The following PCOLCE2 variants were observed in gnomAD, a reference collection of about 807,000 sequenced individuals.
PCOLCE2 encodes the protein procollagen C-endopeptidase enhancer 2.
PCOLCE2 carries 42 observed loss-of-function variants against 47.0 expected under a neutral mutation model. That is an observed-to-expected ratio of 0.89 (90% CI 0.70 to 1.16). PCOLCE2 has a LOEUF of 1.16. Ranked by LOEUF, PCOLCE2 falls within the 50% of genes most tolerant of loss-of-function variation. The pLI is 0.00. For missense variants in PCOLCE2, 500 were observed against 526.1 expected, an observed-to-expected ratio of 0.95 and a Z score of 0.49; for synonymous variants, 169 against 191.7, an observed-to-expected ratio of 0.88 and a Z score of 0.98.
At chr3:142,851,507 G>A (rs2108199049) in intron 2 of PCOLCE2, among the ~76,000 whole-genome samples, 1 of 152,254 alleles carries the variant, frequency 6.6e-6, no homozygotes, top group African/African-American at 2.4e-5. Flanking sequence ...TCCAAACTGG[G>A]TTAGGATGGA....
At chr3:142,859,509 A>T (rs1933138484) in intron 2 of PCOLCE2, among the ~76,000 whole-genome samples, 1 of 152,086 alleles carries the variant, frequency 6.6e-6, no homozygotes. Context: ...TTCATCTGAT[A>T]AGTCTTTTAT....
intron 2 of PCOLCE2, among the ~76,000 whole-genome samples, chr3:142,873,022 T>A (rs1276491915): frequency 6.6e-6 from 1 of 152,218 alleles, no homozygotes; most frequent in Non-Finnish European, 1.5e-5. Flanking sequence ...TCTATAAATG[T>A]TAGAATTATG....
At chr3:142,863,271 C>T (rs989511878) in intron 2 of PCOLCE2, among the ~76,000 whole-genome samples, 1 of 152,062 alleles carries the variant, frequency 6.6e-6, no homozygotes, top group African/African-American at 2.4e-5. Flanking sequence ...CCTGCAGGTA[C>T]CATCCACAAT....
chr3:142,840,290 A>G (rs1489576983), intron 4 of PCOLCE2, among the ~76,000 whole-genome samples: 5 of 152,312 alleles, frequency 3.3e-5, no homozygotes, highest in Admixed American at 6.5e-5. Flanking sequence ...ATTCACGTGA[A>G]TAGAAAATTT....
chr3:142,837,229 C>T (rs973182480), intron 5 of PCOLCE2, among the ~76,000 whole-genome samples: 3 of 152,186 alleles, frequency 2.0e-5, no homozygotes, highest in East Asian at 1.9e-4. Context: ...ACAGCCCTGC[C>T]GACACCTTGA....
intron 2 of PCOLCE2, among the ~76,000 whole-genome samples, chr3:142,867,957 A>C (rs1348551471): frequency 6.6e-6 from 1 of 152,236 alleles, no homozygotes; most frequent in Non-Finnish European, 1.5e-5. Flanking sequence ...GAGATGTCTG[A>C]GAAAACTGAA....
In PCOLCE2 at chr3:142,846,678, T is replaced by G. The variant is rs576872339; in HGVS notation, c.448+1539A>C. On this transcript the variant is annotated intron_variant, in intron 3 of 8. Coordinates refer to ENST00000295992, the MANE Select transcript of PCOLCE2 (RefSeq NM_013363.4). The stretch of plus-strand genomic sequence containing the variant: ...TTTTCTTCAATCTTTTTCCTCCTTT[T>G]TCTTCAGATTGAGTAATTTCTATTT... 3.3e-5 allele frequency: 5 copies of G among 152,354 alleles called. No homozygotes were observed. In the East Asian group the frequency reaches 7.7e-4, roughly 23 times the overall value. 9.4% of individuals were successfully genotyped at this position (152,354 alleles called of 1,614,324 possible).
rs976097907 is a variant in PCOLCE2 at position 142,843,172 on chromosome 3, C to T, written c.449-124G>A. On this transcript the variant is annotated intron_variant, in intron 3 of 8. Coordinates refer to ENST00000295992, the MANE Select transcript of PCOLCE2 (RefSeq NM_013363.4). ...CAGTAAATAAAGGCAACAGCAGAAG[C>T]GCTTACATTTTCTCTTAAACATATG... The T allele has an allele frequency of 4.6e-5, 42 of 915,592 alleles. 1 individual carries two copies. The highest frequency in any genetic ancestry group is 6.8e-5 in the Non-Finnish European group (38 of 559,120). 56.7% of individuals were successfully genotyped at this position (915,592 alleles called of 1,614,324 possible).
At chr3:142,841,359 C>A (rs1937262736) in intron 4 of PCOLCE2, among the ~76,000 whole-genome samples, 2 of 151,994 alleles carry the variant, frequency 1.3e-5, no homozygotes, top group Non-Finnish European at 2.9e-5. Context: ...ACATTAAAAT[C>A]AAATAAAAAT....
At chr3:142,823,194 G>T (rs1410090088) in intron 7 of PCOLCE2, among the ~76,000 whole-genome samples, 2 of 152,112 alleles carry the variant, frequency 1.3e-5, no homozygotes, top group Non-Finnish European at 2.9e-5. Flanking sequence ...TTGAGTTATA[G>T]ATGTGTGAAA....
chr3:142,866,029 G>C (rs1933276433), intron 2 of PCOLCE2, among the ~76,000 whole-genome samples: 1 of 152,196 alleles, frequency 6.6e-6, no homozygotes, highest in Non-Finnish European at 1.5e-5. Flanking sequence ...AGGTGTCAAT[G>C]CTCTTCAATA....
At position 142,872,664 on chromosome 3, in the gene PCOLCE2, A is replaced by AT. The variant is rs199551394; in HGVS notation, c.192+15004dup. Among the ~76,000 whole-genome samples the AT allele has an allele frequency of 5.9e-3, 894 of 152,236 alleles. 9 individuals are homozygous for AT. The highest frequency in any genetic ancestry group is 0.02 in the Middle Eastern group (6 of 294). ...AACAGGTGTTCCACCTTCTGTCCTC[A>AT]TATAGCTCACCAAATAACCCCTAAG... On this transcript the variant is annotated intron_variant, in intron 2 of 8. Transcript: ENST00000295992.
intron 8 of PCOLCE2, among the ~76,000 whole-genome samples, chr3:142,818,668 A>C (rs775666395): frequency 6.6e-6 from 1 of 152,136 alleles, no homozygotes; most frequent in Non-Finnish European, 1.5e-5. Context: ...CTGGTCTTAA[A>C]CTACTGAACT....
At chr3:142,855,422 A>G (rs1478357289) in intron 2 of PCOLCE2, among the ~76,000 whole-genome samples, 1 of 152,218 alleles carries the variant, frequency 6.6e-6, no homozygotes, top group Non-Finnish European at 1.5e-5. Flanking sequence ...CAGGGCAAGT[A>G]TTATTAAGAT....
chr3:142,877,160 G>A (rs1933514478), intron 2 of PCOLCE2, among the ~76,000 whole-genome samples: 1 of 152,118 alleles, frequency 6.6e-6, no homozygotes, highest in East Asian at 1.9e-4. Flanking sequence ...AAAATTATTT[G>A]CAATTTTTAA....
At chr3:142,888,069 A>C (rs1373880693) in intron 1 of PCOLCE2, among the ~76,000 whole-genome samples, 1 of 152,218 alleles carries the variant, frequency 6.6e-6, no homozygotes, top group Non-Finnish European at 1.5e-5. Flanking sequence ...AATGGTAAAT[A>C]CATCAATTTA....
At chr3:142,885,533 A>G (rs1470165093) in intron 2 of PCOLCE2, among the ~76,000 whole-genome samples, 1 of 152,228 alleles carries the variant, frequency 6.6e-6, no homozygotes, top group Non-Finnish European at 1.5e-5. Flanking sequence ...GGAATGGCTA[A>G]GCAGGGAGAC....
intron 2 of PCOLCE2, among the ~76,000 whole-genome samples, chr3:142,863,725 G>A (rs868695214): frequency 2.0e-5 from 3 of 152,176 alleles, no homozygotes; most frequent in Non-Finnish European, 2.9e-5. Context: ...TTTCCACACC[G>A]TGTGCCCAAG....
chr3:142,829,669 A>G, intron 6 of PCOLCE2, 23 bp downstream of exon 6: 2 of 1,536,324 alleles, frequency 1.3e-6, no homozygotes, highest in Non-Finnish European at 8.8e-7. Context: ...TTTTTGCACA[A>G]ACTTCCAAAC....
Sources: allele counts gnomAD v4.1 joint callset (sites outside exome capture counted in the v4.1 genomes callset), GRCh38; gene constraint gnomAD v4.1.1; transcripts MANE v1.5; gene names NCBI Gene and HGNC (gene_info 2026-07-23, HGNC 2026-07-21).